The following MAF variants were observed in gnomAD, a reference collection of about 807,000 sequenced individuals.
MAF encodes transcription factor Maf.
In MAF, 10 loss-of-function variants were observed where a neutral mutation model predicts 22.0. That is an observed-to-expected ratio of 0.45 (90% CI 0.28 to 0.77). The LOEUF is 0.77. Ranked by LOEUF, MAF falls within the 30% of genes least tolerant of loss-of-function variation. MAF has a pLI of 0.12. For synonymous variants in MAF, 337 were observed against 255.8 expected (o/e 1.32, Z -3.03); for missense variants, 544 against 548.4 (o/e 0.99, Z 0.08).
chr16:79,280,611 G>T, the MAF span, among the ~76,000 whole-genome samples: 1 of 152,276 alleles, frequency 6.6e-6, no homozygotes, highest in African/African-American at 2.4e-5. Context: ...GAACTGGAAG[G>T]CTTAAAATAG....
At chr16:79,416,625 T>C in the MAF span, among the ~76,000 whole-genome samples, 6 of 151,406 alleles carry the variant, frequency 4.0e-5, no homozygotes, top group African/African-American at 7.3e-5. Flanking sequence ...GATGAAGAAA[T>C]AGAAAGGAAA....
chr16:79,262,469 C>T, the MAF span, among the ~76,000 whole-genome samples: 1 of 152,216 alleles, frequency 6.6e-6, no homozygotes, highest in Non-Finnish European at 1.5e-5. Flanking sequence ...AGCCTTAAGA[C>T]AAAATCTGTT....
At chr16:79,434,662 G>C in the MAF span, among the ~76,000 whole-genome samples, 1 of 151,376 alleles carries the variant, frequency 6.6e-6, no homozygotes, top group Non-Finnish European at 1.5e-5. Flanking sequence ...AAGTAGATGA[G>C]ATACCATTTT....
the MAF span, among the ~76,000 whole-genome samples, chr16:79,362,848 T>C: frequency 3.9e-5 from 6 of 152,252 alleles, no homozygotes; most frequent in Admixed American, 2.6e-4. Context: ...CAAAAGAGAA[T>C]AGTAAGAAAG....
chr16:79,454,837 C>G, the MAF span, among the ~76,000 whole-genome samples: 1 of 152,196 alleles, frequency 6.6e-6, no homozygotes, highest in Non-Finnish European at 1.5e-5. Flanking sequence ...CTCCTCATGC[C>G]TGTAATCCCA....
chr16:79,481,724 C>T, the MAF span, among the ~76,000 whole-genome samples: 6 of 152,160 alleles, frequency 3.9e-5, no homozygotes. Context: ...ATCCATCCAT[C>T]TATACATCCA....
chr16:79,256,831 A>G, the MAF span, among the ~76,000 whole-genome samples: 4 of 152,148 alleles, frequency 2.6e-5, no homozygotes, highest in African/African-American at 9.7e-5. Context: ...GAGTCTAGGC[A>G]TGGGATCAAA....
the MAF span, among the ~76,000 whole-genome samples, chr16:79,231,722 G>C: frequency 6.6e-6 from 1 of 152,126 alleles, no homozygotes; most frequent in African/African-American, 2.4e-5. Context: ...TTTCACGGAA[G>C]ACAGTTTTTC....
the MAF span, among the ~76,000 whole-genome samples, chr16:79,297,662 C>A: frequency 2.0e-5 from 3 of 152,304 alleles, no homozygotes; most frequent in South Asian, 6.2e-4. Flanking sequence ...CCATAGTGAG[C>A]ACTCAGTAAA....
downstream of MAF, among the ~76,000 whole-genome samples, chr16:79,593,307 T>C (rs1205785104): frequency 1.3e-5 from 2 of 152,154 alleles, no homozygotes; most frequent in East Asian, 3.8e-4. Context: ...TAGGCAACTC[T>C]AGATATTTAG....
At chr16:79,258,157 AAGG>A in the MAF span, among the ~76,000 whole-genome samples, 1 of 152,140 alleles carries the variant, frequency 6.6e-6, no homozygotes, top group Admixed American at 6.6e-5. Flanking sequence ...TTCCCTAAGA[AAGG>A]AGGAGGAGTG....
At chr16:79,424,531 C>G in the MAF span, among the ~76,000 whole-genome samples, 2 of 152,200 alleles carry the variant, frequency 1.3e-5, no homozygotes, top group South Asian at 2.1e-4. Context: ...CAGATATAAT[C>G]CAGGCTGAAT....
the MAF span, among the ~76,000 whole-genome samples, chr16:79,313,924 G>C: frequency 6.6e-6 from 1 of 152,168 alleles, no homozygotes; most frequent in East Asian, 1.9e-4. Context: ...AAGTGGACTA[G>C]CACCTACGTT....
chr16:79,493,373 G>T, the MAF span, among the ~76,000 whole-genome samples: 1 of 152,068 alleles, frequency 6.6e-6, no homozygotes, highest in Non-Finnish European at 1.5e-5. Context: ...GTAGAGATGG[G>T]GTTTCACTAT....
chr16:79,380,833 G>C, the MAF span, among the ~76,000 whole-genome samples: 12 of 152,332 alleles, frequency 7.9e-5, no homozygotes, highest in South Asian at 2.5e-3. Context: ...GTATTACTCT[G>C]AATCTTTCAT....
chr16:79,518,593 G>T, the MAF span, among the ~76,000 whole-genome samples: 1 of 152,208 alleles, frequency 6.6e-6, no homozygotes, highest in Non-Finnish European at 1.5e-5. Flanking sequence ...TGGCCCCTTG[G>T]TGCCTCAGTT....
chr16:79,204,911 A>T, the MAF span: 1 of 152,220 alleles, frequency 6.6e-6, no homozygotes, highest in African/African-American at 2.4e-5. Context: ...CTGGCTTTCC[A>T]ATTCATTCTC....
the MAF span, among the ~76,000 whole-genome samples, chr16:79,483,250 C>T: frequency 3.6e-5 from 1 of 27,842 alleles, no homozygotes; most frequent in African/African-American, 1.7e-4. Flanking sequence ...TCTCCTCTCC[C>T]CTCCCCCGTC....
the MAF span, among the ~76,000 whole-genome samples, chr16:79,542,770 T>C: frequency 6.6e-6 from 1 of 152,176 alleles, no homozygotes; most frequent in Non-Finnish European, 1.5e-5. Flanking sequence ...CCCATAGCAA[T>C]TCACTGAACT....
Sources: gnomAD v4.1 joint callset for allele counts (sites outside exome capture counted in the v4.1 genomes callset) on GRCh38, gnomAD v4.1.1 for gene constraint, MANE v1.5 for transcripts, NCBI Gene and HGNC (gene_info 2026-07-23, HGNC 2026-07-21) for gene names.